Variants in UBXN11 observed in about 807,000 individuals in gnomAD.
UBXN11 encodes the protein UBX domain protein 11.
In UBXN11, 47 loss-of-function variants were observed where a neutral mutation model predicts 62.8. That is an observed-to-expected ratio of 0.75 (90% confidence interval 0.59 to 0.95). The LOEUF (loss-of-function observed/expected upper bound fraction) is 0.95. Among genes scored for constraint, UBXN11 ranks in the 40% least tolerant of loss-of-function variants. The pLI is 0.00. For synonymous variants in UBXN11, 294 were observed against 267.0 expected (o/e 1.10, Z -0.99); for missense variants, 638 against 661.7 (o/e 0.96, Z 0.39).
At chr1:26,313,939 C>A (rs553043337) in intron 1 of UBXN11, among the ~76,000 whole-genome samples, 1 of 152,190 alleles carries the variant, frequency 6.6e-6, no homozygotes, top group South Asian at 2.1e-4. Context: ...CGCCACCATG[C>A]CTGGCTAAGT....
upstream of UBXN11, among the ~76,000 whole-genome samples, chr1:26,310,588 C>T (rs905522397): frequency 2.0e-5 from 3 of 148,558 alleles, no homozygotes; most frequent in Non-Finnish European, 4.5e-5. Context: ...ATTAGCAGGG[C>T]ATGGTGGCGG....
intron 4 of UBXN11, among the ~76,000 whole-genome samples, chr1:26,298,511 C>T (rs114127818): frequency 3.3e-3 from 502 of 152,196 alleles, no homozygotes; most frequent in African/African-American, 0.011. Context: ...TAGCCAGGGC[C>T]GGGCATGCGG....
chr1:26,302,838 G>C lies in UBXN11; in HGVS notation c.46C>G (p.Leu16Val). Reference protein sequence around the residue: ...ASLSKTRKVPLPSEPMNPGRR... With the variant: ...ASLSKTRKVPVPSEPMNPGRR... ...CCAGGATTCATAGGCTCCGAGGGCA[G>C]GGGCACTTTTCGGGTCTTGCTAAGG... The change falls in exon 2 of 15, where the codon CTG becomes GTG. Residue 16 changes from leucine to valine, a missense_variant. Transcript: ENST00000374222. 6.2e-7 allele frequency: 1 copy of C among 1,613,916 alleles called. No individual in the cohort carries two copies. The highest frequency in any genetic ancestry group is 8.5e-7 in the Non-Finnish European group (1 of 1,179,864).
intron 4 of UBXN11, among the ~76,000 whole-genome samples, chr1:26,300,159 G>A (rs1226887002): frequency 6.6e-6 from 1 of 152,088 alleles, no homozygotes; most frequent in East Asian, 1.9e-4. Context: ...AGAATCATCA[G>A]GCCCTTCCCT....
intron 2 of UBXN11, among the ~76,000 whole-genome samples, chr1:26,302,538 T>G (rs936268524): frequency 1.3e-4 from 20 of 152,164 alleles, no homozygotes; most frequent in Non-Finnish European, 4.4e-5. Flanking sequence ...CCATCTGTGT[T>G]TGCAGAATTA....
At position 26,284,419 on chromosome 1, in the gene UBXN11, G is replaced by A. The variant is rs200932097; in HGVS notation, c.916C>T (p.Arg306Cys). Residue 306 changes from arginine to cysteine, a missense_variant, in exon 11 of 15, where the codon CGT becomes TGT. Coordinates refer to ENST00000374222, the MANE Select transcript of UBXN11 (RefSeq NM_001389556.1). ...DGLDPFPGEG[R>C]VVGRQLMHKA... ...TGCATCAGCTGCCTGCCCACCACAC[G>A]GCCCTCGCCTGGGAAGGGGTCCAGT... 13 of 1,613,814 alleles carry A rather than the reference G, an allele frequency of 8.1e-6. No homozygotes were observed. Among genetic ancestry groups the A allele is most frequent in the East Asian group, 2.2e-5 (1 of 44,866 alleles).
rs376498767 is a variant in UBXN11, at chr1:26,302,849, C to T, written c.35G>A (p.Arg12Gln). Residue 12 changes from arginine to glutamine, a missense_variant, in exon 2 of 15, where the codon CGA (arginine) becomes CAA (glutamine). Coordinates refer to ENST00000374222, the MANE Select transcript of UBXN11 (RefSeq NM_001389556.1). The part of the protein sequence containing the change: ...SSPLASLSKT[R>Q]KVPLPSEPMN... ...AGGCTCCGAGGGCAGGGGCACTTTT[C>T]GGGTCTTGCTAAGGGAGGCCAAAGG... is the stretch of plus-strand genomic sequence containing the variant. 724 of 1,613,734 alleles carry T rather than the reference C, an allele frequency of 4.5e-4. No homozygotes were observed. Among genetic ancestry groups the T allele is most frequent in the Non-Finnish European group, 5.7e-4 (672 of 1,179,898 alleles).
At chr1:26,308,497 G>A (rs2073705958), upstream of UBXN11, among the ~76,000 whole-genome samples, 1 of 152,130 alleles carries the variant, frequency 6.6e-6, no homozygotes, top group Non-Finnish European at 1.5e-5. Context: ...GCCAAGGGAG[G>A]AGTCTGGGCG....
intron 2 of UBXN11, 75 bp downstream of exon 2, chr1:26,302,738 C>T: frequency 6.7e-7 from 1 of 1,498,902 alleles, no homozygotes; most frequent in Non-Finnish European, 9.2e-7. Flanking sequence ...CTAGGAGTCA[C>T]TGTCCTCTGG....
chr1:26,312,262 T>G (rs905127035), intron 1 of UBXN11, among the ~76,000 whole-genome samples: 2 of 151,998 alleles, frequency 1.3e-5, no homozygotes, highest in African/African-American at 4.8e-5. Context: ...TAGCATTTCT[T>G]TTTTTTTGAG....
chr1:26,292,987 C>T (rs2073307492), intron 8 of UBXN11, among the ~76,000 whole-genome samples: 1 of 152,126 alleles, frequency 6.6e-6, no homozygotes, highest in South Asian at 2.1e-4. Flanking sequence ...GCAGGATTCT[C>T]ATGTTTGGAA....
Position 26,284,191 on chromosome 1 carries a change from CG to C in UBXN11, c.1027del (p.Arg343GlyfsTer5), listed in dbSNP as rs748802025. The stretch of plus-strand genomic sequence containing the variant: ...CCGGATGTCAATCACCTCGCCTTGC[CG>C]GATCACAAACTTGGGGAGCCTGTTC... ...FLNRLPKFVI[R>X]QGEVIDIRGP... is the part of the protein sequence containing the mutation. On this transcript the variant is annotated frameshift_variant, in exon 12 of 15. Coordinates refer to ENST00000374222, the MANE Select transcript of UBXN11 (RefSeq NM_001389556.1). LOFTEE classifies it high-confidence loss of function. 4 of 1,613,190 alleles carry C rather than the reference CG, an allele frequency of 2.5e-6. No homozygotes were observed. In the South Asian group the frequency reaches 4.4e-5, roughly 18 times the overall value.
At chr1:26,299,978 G>A (rs1008026764) in intron 4 of UBXN11, among the ~76,000 whole-genome samples, 1 of 151,790 alleles carries the variant, frequency 6.6e-6, no homozygotes, top group African/African-American at 2.4e-5. Context: ...CTGGATGACA[G>A]AGCAAAACCC....
rs775515589 is a variant in UBXN11, at chr1:26,284,348, G to A, written c.973+14C>T. ...TCCCCCAGCCCCCTGGCTCAGCCTG[G>A]AGGCCAAACTCACCTGGGTGCTCCT... is the stretch of plus-strand genomic sequence containing the variant. On this transcript the variant is annotated intron_variant, in intron 11 of 14. Transcript: ENST00000374222. 1 of 1,614,040 alleles carries A rather than the reference G, an allele frequency of 6.2e-7. No homozygotes were observed. The highest frequency in any genetic ancestry group is 1.1e-5 in the South Asian group (1 of 91,054).
rs748187983 is a variant in UBXN11 at position 26,301,038 on chromosome 1, T to A, written c.101-14A>T. On this transcript the variant is annotated splice_polypyrimidine_tract_variant and intron_variant, in intron 3 of 14. Coordinates refer to ENST00000374222, the MANE Select transcript of UBXN11 (RefSeq NM_001389556.1). Reference sequence around the variant, plus strand: ...CCACCTCATCTTCTGCAGACAGGGATGCCTAGGTCACCGCTCTGGGGCGGA... The same window carrying A: ...CCACCTCATCTTCTGCAGACAGGGAAGCCTAGGTCACCGCTCTGGGGCGGA... 6.2e-7 allele frequency: 1 copy of A among 1,614,174 alleles called. No homozygotes were observed. Among genetic ancestry groups the A allele is most frequent in the Non-Finnish European group, 8.5e-7 (1 of 1,180,004 alleles).
upstream of UBXN11, among the ~76,000 whole-genome samples, chr1:26,307,691 G>C (rs1430417002): frequency 6.7e-6 from 1 of 149,316 alleles, no homozygotes; most frequent in Non-Finnish European, 1.5e-5. Context: ...GGAAGGGTAG[G>C]CTCTGCTCAC....
At chr1:26,292,607 G>A (rs1054144446) in intron 8 of UBXN11, among the ~76,000 whole-genome samples, 1 of 152,146 alleles carries the variant, frequency 6.6e-6, no homozygotes, top group African/African-American at 2.4e-5. Context: ...TGTAATCCCA[G>A]CACTTTGGGA....
At chr1:26,301,861 G>A in intron 2 of UBXN11, 139 bp from the exon 3 acceptor site, 2 of 1,175,162 alleles carry the variant, frequency 1.7e-6, no homozygotes, top group Non-Finnish European at 2.4e-6. Flanking sequence ...AGGACTTCCA[G>A]CCCCAAATCC....
intron 4 of UBXN11, among the ~76,000 whole-genome samples, chr1:26,300,256 A>G (rs1304199474): frequency 1.3e-5 from 2 of 152,172 alleles, no homozygotes; most frequent in African/African-American, 4.8e-5. Context: ...GGAGCATCTC[A>G]TTGAATCCTC....
Sources: gnomAD v4.1 joint callset for allele counts (sites outside exome capture counted in the v4.1 genomes callset) on GRCh38, gnomAD v4.1.1 for gene constraint, MANE v1.5 for transcripts, NCBI Gene and HGNC (gene_info 2026-07-23, HGNC 2026-07-21) for gene names.